The following OSBPL2 variants were observed in gnomAD, a reference collection of about 807,000 sequenced individuals.
The protein encoded by OSBPL2 is oxysterol-binding protein-related protein 2.
In OSBPL2, 18 loss-of-function variants were observed where a neutral mutation model predicts 58.4. The observed-to-expected ratio is 0.31, with a 90% CI of 0.21 to 0.46. The LOEUF (loss-of-function observed/expected upper bound fraction) is 0.46. OSBPL2 is among the 20% of genes least tolerant of loss of function. OSBPL2 has a pLI of 1.00. For missense variants in OSBPL2, 461 were observed against 616.5 expected (o/e 0.75, Z 2.67); for synonymous variants, 221 against 234.1 (o/e 0.94, Z 0.51).
At chr20:62,249,000 C>T (rs1980344786) in intron 1 of OSBPL2, among the ~76,000 whole-genome samples, 1 of 152,186 alleles carries the variant, frequency 6.6e-6, no homozygotes, top group African/African-American at 2.4e-5. Flanking sequence ...GCAGGGCCCA[C>T]ATCTGAGAAA....
intron 6 of OSBPL2, among the ~76,000 whole-genome samples, chr20:62,277,406 G>A (rs952322812): frequency 9.2e-5 from 14 of 152,372 alleles, no homozygotes; most frequent in Non-Finnish European, 1.6e-4. Flanking sequence ...ACCCGGGGCC[G>A]GAGCTCCTGC....
intron 1 of OSBPL2, among the ~76,000 whole-genome samples, chr20:62,252,909 G>A (rs1056832042): frequency 3.9e-5 from 6 of 152,254 alleles, no homozygotes; most frequent in Admixed American, 6.5e-5. Flanking sequence ...GCACCAAGCC[G>A]TGAGGGATCC....
intron 2 of OSBPL2, among the ~76,000 whole-genome samples, chr20:62,258,108 C>T (rs1981052927): frequency 6.6e-6 from 1 of 152,162 alleles, no homozygotes; most frequent in African/African-American, 2.4e-5. Context: ...GTTCTAGGAG[C>T]CACAGGGTGT....
In OSBPL2 at chr20:62,287,053, C is replaced by T. The variant is rs566055824; in HGVS notation, c.1125+342C>T. On this transcript the variant is annotated intron_variant, in intron 11 of 13. Coordinates refer to ENST00000313733, the MANE Select transcript of OSBPL2 (RefSeq NM_144498.4). ...GCTTCCCCTGGGAACATCAGACAGACGTGGCCATTGCCGGCCAAGTGCGTC... is the reference window on the plus strand; with the variant it reads ...GCTTCCCCTGGGAACATCAGACAGATGTGGCCATTGCCGGCCAAGTGCGTC... 1.2e-4 allele frequency among the ~76,000 whole-genome samples: 19 copies of T among 152,384 alleles called. No individual in the cohort carries two copies. The South Asian group carries it at 2.3e-3, about 18-fold the overall frequency.
chr20:62,290,636 G>A lies in OSBPL2; in HGVS notation c.1250-1067G>A, dbSNP rs569353187. ...AGGGTTTCACCATGTTAGCCAGGAC[G>A]GTCTCGATCTCCTGACCTTGTGATC... On this transcript the variant is annotated intron_variant, in intron 12 of 13. Coordinates refer to ENST00000313733, the MANE Select transcript of OSBPL2 (RefSeq NM_144498.4). Among the ~76,000 whole-genome samples, 5 of 151,164 alleles carry A rather than the reference G, an allele frequency of 3.3e-5. No homozygotes were observed. The South Asian group carries it at 1.0e-3, about 32-fold the overall frequency.
At position 62,256,228 on chromosome 20, in the gene OSBPL2, C is replaced by A; in HGVS notation, c.37+7C>A. 2.5e-6 allele frequency: 4 copies of A among 1,613,280 alleles called. No individual in the cohort carries two copies. The South Asian group carries it at 3.3e-5, about 13-fold the overall frequency. ...TTCTTTGATGCCGTCACAGGTGAGT[C>A]AAAAGAGAACCAACTGGGGACGTAC... On this transcript the variant is annotated splice_region_variant and intron_variant, in intron 2 of 13. Coordinates refer to ENST00000313733, the MANE Select transcript of OSBPL2 (RefSeq NM_144498.4).
rs921127453 is a variant in OSBPL2, at chr20:62,269,226, G to A, written c.259-2899G>A. ...CGACTTCTGAATCTTTTAATGGCGC[G>A]GCGCTCCCTCACATGGCTGCCACCT... On this transcript the variant is annotated intron_variant, in intron 4 of 13. Coordinates refer to ENST00000313733, the MANE Select transcript of OSBPL2 (RefSeq NM_144498.4). The surrounding 1 kb of genome is among the most constrained non-coding windows in gnomAD (Gnocchi z 4.2). Among the ~76,000 whole-genome samples, 2 of 152,140 alleles carry A rather than the reference G, an allele frequency of 1.3e-5. No individual in the cohort carries two copies. The highest frequency in any genetic ancestry group is 1.5e-5 in the Non-Finnish European group (1 of 68,044).
In OSBPL2 at chr20:62,281,003, C is replaced by A; in HGVS notation, c.675-55C>A. 2.9e-6 allele frequency: 4 copies of A among 1,398,858 alleles called. No homozygotes were observed. The Admixed American group carries it at 5.0e-5, about 18-fold the overall frequency. The allele number at this position is 1,398,858 out of a possible 1,614,324, so 86.7% of individuals were successfully genotyped here. On this transcript the variant is annotated intron_variant, in intron 7 of 13. Coordinates refer to ENST00000313733, the MANE Select transcript of OSBPL2 (RefSeq NM_144498.4). ...CGCCTGGTCGTTGCGTCTTGGGTCA[C>A]GTCGTGTCTTGGCTTTTCTGGACTC...
intron 1 of OSBPL2, among the ~76,000 whole-genome samples, chr20:62,244,756 G>A (rs1260626706): frequency 6.6e-6 from 1 of 152,262 alleles, no homozygotes; most frequent in East Asian, 1.9e-4. Context: ...CCGCTTCCGG[G>A]ACGTCGGGCC....
rs1000388870 is a variant in OSBPL2, at chr20:62,292,079, C to T, written c.1340+286C>T. The stretch of plus-strand genomic sequence containing the variant: ...TAGCGCACACTTTGCCGAGACCACC[C>T]GGCTGGGGGTGGCCTGTGCAGAGTG... On this transcript the variant is annotated intron_variant, in intron 13 of 13. Transcript: ENST00000313733. Among the ~76,000 whole-genome samples, 9 of 152,320 alleles carry T rather than the reference C, an allele frequency of 5.9e-5. 2 individuals carry two copies. The highest frequency in any genetic ancestry group is 2.6e-4 in the Admixed American group (4 of 15,308).
intron 2 of OSBPL2, among the ~76,000 whole-genome samples, chr20:62,257,252 C>CTGG (rs1412360142): frequency 6.6e-6 from 1 of 152,158 alleles, no homozygotes; most frequent in African/African-American, 2.4e-5. Context: ...GTTGATGGCT[C>CTGG]TGGTGGCGCC....
At chr20:62,253,921 A>G (rs1051898932) in intron 1 of OSBPL2, among the ~76,000 whole-genome samples, 2 of 151,916 alleles carry the variant, frequency 1.3e-5, no homozygotes, top group Non-Finnish European at 1.5e-5. Flanking sequence ...CCTCCCAAGT[A>G]GCTGGGATTA....
intron 3 of OSBPL2, among the ~76,000 whole-genome samples, chr20:62,260,970 A>G (rs1981261644): frequency 6.6e-6 from 1 of 151,990 alleles, no homozygotes; most frequent in Non-Finnish European, 1.5e-5. Flanking sequence ...AGTATGGGCA[A>G]CAGAGCAACA....
Position 62,259,775 on chromosome 20 carries a change from G to A in OSBPL2, c.38-206G>A, listed in dbSNP as rs530337402. 4.6e-5 allele frequency among the ~76,000 whole-genome samples: 7 copies of A among 151,898 alleles called. No homozygotes were observed. The East Asian group carries it at 9.7e-4, about 21-fold the overall frequency. On this transcript the variant is annotated intron_variant, in intron 2 of 13. Coordinates refer to ENST00000313733, the MANE Select transcript of OSBPL2 (RefSeq NM_144498.4). ...GGGCACTGGAGCTCGCTGGGAGCGC[G>A]TTCTTAGGAGGGAAGCTCCGTGGCA...
intron 13 of OSBPL2, among the ~76,000 whole-genome samples, chr20:62,293,532 G>T (rs576900844): frequency 6.6e-6 from 1 of 152,244 alleles, no homozygotes. Flanking sequence ...TGAGGATTTT[G>T]TGTTGAGTTA....
In OSBPL2 at chr20:62,260,181, A is replaced by G. The variant is rs1981206634; in HGVS notation, c.182+56A>G. ...ATGTGTCTGTAATCACCCCAAAAAT[A>G]CTCTGCAGGGTACCCCTCAGCCCTC... On this transcript the variant is annotated intron_variant, in intron 3 of 13. Transcript: ENST00000313733. 5 of 1,546,890 alleles carry G rather than the reference A, an allele frequency of 3.2e-6. No homozygotes were observed. The South Asian group carries it at 4.6e-5, about 14-fold the overall frequency.
At chr20:62,240,079 C>T (rs893833254) in intron 1 of OSBPL2, among the ~76,000 whole-genome samples, 5 of 152,266 alleles carry the variant, frequency 3.3e-5, no homozygotes, top group Non-Finnish European at 7.4e-5. Context: ...TCTCGAACTC[C>T]TAACCTCAAG....
intron 12 of OSBPL2, chr20:62,291,254 C>T: frequency 1.0e-5 from 2 of 198,620 alleles, no homozygotes. Context: ...GAATGTGTGC[C>T]CAGTCCTTCA....
chr20:62,287,798 T>C (rs761655221), intron 11 of OSBPL2, among the ~76,000 whole-genome samples: 5 of 152,138 alleles, frequency 3.3e-5, no homozygotes, highest in Non-Finnish European at 5.9e-5. Context: ...TTAGGAAAAT[T>C]GCGTATGTTT....
Sources: allele counts gnomAD v4.1 joint callset (sites outside exome capture counted in the v4.1 genomes callset), GRCh38; gene constraint gnomAD v4.1.1; non-coding constraint Gnocchi (gnomAD v3.1); transcripts MANE v1.5; gene names NCBI Gene and HGNC (gene_info 2026-07-23, HGNC 2026-07-21).